The following ZNF644 variants were observed in gnomAD, a reference collection of about 807,000 sequenced individuals.
The protein encoded by ZNF644 is zinc finger motif enhancer binding protein 2.
In ZNF644, 20 loss-of-function variants were observed where a neutral mutation model predicts 108.0. The observed-to-expected ratio is 0.19, with a 90% confidence interval of 0.13 to 0.27. The LOEUF is 0.27. Ranked by LOEUF, ZNF644 falls within the 10% of genes least tolerant of loss-of-function variation. The probability of loss-of-function intolerance (pLI) is 1.00; values close to 1 mark genes in which losing one functional copy is unlikely to be tolerated. For synonymous variants in ZNF644, 542 were observed against 539.1 expected (o/e 1.01, Z -0.08); for missense variants, 1,338 against 1,548.9 (o/e 0.86, Z 2.29).
chr1:90,988,650 T>C (rs561578557), intron 1 of ZNF644, among the ~76,000 whole-genome samples: 1 of 152,082 alleles, frequency 6.6e-6, no homozygotes, highest in Non-Finnish European at 1.5e-5. Flanking sequence ...TAAATACAAA[T>C]AGTAATCAAG....
At chr1:90,976,660 G>A (rs1656039530) in intron 2 of ZNF644, among the ~76,000 whole-genome samples, 2 of 152,078 alleles carry the variant, frequency 1.3e-5, no homozygotes, top group Non-Finnish European at 2.9e-5. Flanking sequence ...ACTACTGACA[G>A]CTCAACTTCA....
intron 1 of ZNF644, among the ~76,000 whole-genome samples, chr1:91,014,442 T>C (rs1011300649): frequency 6.6e-6 from 1 of 152,112 alleles, no homozygotes; most frequent in African/African-American, 2.4e-5. Context: ...AGTGTTCAAA[T>C]ATTAAAAAAA....
At chr1:91,008,049 A>C (rs1659614663) in intron 1 of ZNF644, among the ~76,000 whole-genome samples, 1 of 152,212 alleles carries the variant, frequency 6.6e-6, no homozygotes, top group African/African-American at 2.4e-5. Context: ...TCTCACAGCT[A>C]GATGGGGCAA....
chr1:91,015,847 A>G (rs1007908994), intron 1 of ZNF644, among the ~76,000 whole-genome samples: 4 of 152,190 alleles, frequency 2.6e-5, no homozygotes, highest in Non-Finnish European at 4.4e-5. Context: ...GAATAATTAA[A>G]CAATGGTAAT....
At chr1:91,010,260 G>C (rs1370518858) in intron 1 of ZNF644, among the ~76,000 whole-genome samples, 2 of 128,346 alleles carry the variant, frequency 1.6e-5, no homozygotes, top group East Asian at 4.6e-4. Flanking sequence ...TTTTTTCTGA[G>C]ACACAGTCTC....
chr1:91,003,478 C>T (rs1570560809), intron 1 of ZNF644, among the ~76,000 whole-genome samples: 1 of 151,442 alleles, frequency 6.6e-6, no homozygotes, highest in African/African-American at 2.4e-5. Flanking sequence ...GGGAATTGAA[C>T]AATGAGAACA....
chr1:90,915,778 A>G lies in ZNF644; in HGVS notation c.*1020T>C, dbSNP rs1648702716. ...TTAAATTGTAAACATTCTCATATGT[A>G]GAAATATTTTAATTGGTGTATTAAG... On this transcript the variant is annotated 3_prime_UTR_variant, in exon 6 of 6. Transcript: ENST00000337393. 1 of 152,630 alleles carries G rather than the reference A, an allele frequency of 6.6e-6. No homozygotes were observed. The highest frequency in any genetic ancestry group is 1.5e-5 in the Non-Finnish European group (1 of 68,000). 9.5% of individuals were successfully genotyped at this position (152,630 alleles called of 1,614,324 possible). A position where few individuals can be genotyped will look rare whatever the true frequency, so the allele number is the denominator to read the frequency against.
intron 4 of ZNF644, among the ~76,000 whole-genome samples, chr1:90,928,760 C>T (rs1055474015): frequency 1.3e-5 from 2 of 152,122 alleles, no homozygotes; most frequent in Non-Finnish European, 2.9e-5. Flanking sequence ...CTCCAAGTTC[C>T]ACTCCTGACA....
chr1:91,010,236 C>CTT (rs577966817), intron 1 of ZNF644, among the ~76,000 whole-genome samples: 1,314 of 129,892 alleles, frequency 0.01, 33 homozygotes, highest in African/African-American at 0.035. Context: ...ATGTCTGTGC[C>CTT]TTTTTTTTTT....
chr1:90,968,899 G>A (rs2101244497), intron 2 of ZNF644, among the ~76,000 whole-genome samples: 1 of 152,184 alleles, frequency 6.6e-6, no homozygotes, highest in Admixed American at 6.5e-5. Context: ...CAAACCAAAA[G>A]TCACACATCT....
chr1:90,981,531 C>G (rs1417650298), intron 2 of ZNF644, among the ~76,000 whole-genome samples: 1 of 151,936 alleles, frequency 6.6e-6, no homozygotes, highest in African/African-American at 2.4e-5. Context: ...GCTGAAACAT[C>G]TGGTTAGAGG....
intron 1 of ZNF644, among the ~76,000 whole-genome samples, chr1:90,994,977 C>T (rs900022434): frequency 1.3e-5 from 2 of 152,062 alleles, no homozygotes; most frequent in African/African-American, 4.8e-5. Context: ...AAAAAAAGAC[C>T]TGCAACTCTA....
In ZNF644 at chr1:91,021,504, T is replaced by A. The variant is rs905285270; in HGVS notation, c.-18+486A>T. On this transcript the variant is annotated intron_variant, in intron 1 of 5. Coordinates refer to ENST00000337393, the MANE Select transcript of ZNF644 (RefSeq NM_201269.3). ...CGACCGCCAGGCTCCCCAAGCCGCCTGATCTCGGCCCCTTCCCCCTACTGC... is the reference window on the plus strand; with the variant it reads ...CGACCGCCAGGCTCCCCAAGCCGCCAGATCTCGGCCCCTTCCCCCTACTGC... 2.0e-5 allele frequency: 3 copies of A among 152,990 alleles called. No individual in the cohort carries two copies. In the South Asian group the frequency reaches 6.2e-4, roughly 32 times the overall value. The allele number at this position is 152,990 out of a possible 1,614,324, so 9.5% of individuals were successfully genotyped here. A position where few individuals can be genotyped will look rare whatever the true frequency, so the allele number is the denominator to read the frequency against.
At chr1:90,987,266 T>A (rs1279494382) in intron 1 of ZNF644, among the ~76,000 whole-genome samples, 1,495 of 128,536 alleles carry the variant, frequency 0.012, 11 homozygotes, top group Non-Finnish European at 0.016. Flanking sequence ...TTTTTTTTTT[T>A]TAAAAAAAGA....
chr1:90,917,996 A>G (rs569692002), intron 5 of ZNF644, 56 bp downstream of exon 5: 8 of 1,402,550 alleles, frequency 5.7e-6, no homozygotes, highest in Admixed American at 1.7e-5. Flanking sequence ...AATAGCTAAT[A>G]TGTTTCAAAG....
intron 1 of ZNF644, among the ~76,000 whole-genome samples, chr1:90,994,776 CA>C (rs547158258): frequency 2.5e-4 from 38 of 152,110 alleles, no homozygotes; most frequent in African/African-American, 8.9e-4. Flanking sequence ...AACCACAGGG[CA>C]AAATTGGACT....
At chr1:91,015,339 C>T (rs1473989621) in intron 1 of ZNF644, among the ~76,000 whole-genome samples, 1 of 152,166 alleles carries the variant, frequency 6.6e-6, no homozygotes, top group Non-Finnish European at 1.5e-5. Context: ...AAAGGAAATG[C>T]TGTTTGGGAA....
chr1:90,923,085 G>A (rs1374233850), intron 4 of ZNF644, among the ~76,000 whole-genome samples: 1 of 152,090 alleles, frequency 6.6e-6, no homozygotes, highest in African/African-American at 2.4e-5. Flanking sequence ...CATTTATTCA[G>A]CTTTTATCTT....
At chr1:90,950,239 T>A (rs1432185324) in intron 2 of ZNF644, among the ~76,000 whole-genome samples, 1 of 111,260 alleles carries the variant, frequency 9.0e-6, no homozygotes, top group East Asian at 3.0e-4. Context: ...ATCGTGCCAC[T>A]GCACTCCAGC....
Sources: allele counts gnomAD v4.1 joint callset (sites outside exome capture counted in the v4.1 genomes callset), GRCh38; gene constraint gnomAD v4.1.1; transcripts MANE v1.5; gene names NCBI Gene and HGNC (gene_info 2026-07-23, HGNC 2026-07-21).